CNN3: variants seen among roughly 807,000 people sequenced by gnomAD.
CNN3 encodes the protein calponin-3.
CNN3 carries 11 observed loss-of-function variants against 39.0 expected under a neutral mutation model. The ratio of observed to expected loss-of-function variants is 0.28; its 90% CI spans 0.18 to 0.47. The LOEUF (loss-of-function observed/expected upper bound fraction) is 0.47, where lower values mean the gene tolerates loss of function less well. Among genes scored for constraint, CNN3 ranks in the 20% least tolerant of loss-of-function variants. The pLI, the probability that CNN3 is intolerant of heterozygous loss-of-function variation, is 0.99. For synonymous variants in CNN3, 101 were observed against 138.3 expected (o/e 0.73, Z 1.89); for missense variants, 266 against 403.4 (o/e 0.66, Z 2.92).
At chr1:94,910,771 A>G (rs1373352470) in intron 1 of CNN3, among the ~76,000 whole-genome samples, 1 of 152,160 alleles carries the variant, frequency 6.6e-6, no homozygotes, top group Non-Finnish European at 1.5e-5. Context: ...ACCCACCGCA[A>G]TACCTGACAC....
At chr1:94,901,621 T>C (rs1670870623) in intron 5 of CNN3, 48 bp downstream of exon 5, 1 of 1,295,330 alleles carries the variant, frequency 7.7e-7, no homozygotes, top group East Asian at 2.3e-5. Context: ...ATGGTGAGAA[T>C]TAATCATATT....
chr1:94,918,497 AAAAATAAAAT>A lies in CNN3; in HGVS notation c.57+8331_57+8340del, dbSNP rs1189820029. Reference sequence around the variant, plus strand: ...CGACAAAGTGAGACTGTCTCCCAAAAAAAATAAAATAAAAAAAAAAAAAGTCGGCAAGGGG... The same window carrying A: ...CGACAAAGTGAGACTGTCTCCCAAAAAAAAAAAAAAAAAGTCGGCAAGGGG... On this transcript the variant is annotated intron_variant, in intron 1 of 6. Coordinates refer to ENST00000370206, the MANE Select transcript of CNN3 (RefSeq NM_001839.5). Among the ~76,000 whole-genome samples the A allele has an allele frequency of 8.3e-5, 6 of 72,468 alleles. 1 individual carries two copies. In the East Asian group the frequency reaches 2.1e-3, roughly 26 times the overall value. 47.5% of individuals were successfully genotyped at this position (72,468 alleles called of 152,430 possible). A position where few individuals can be genotyped will look rare whatever the true frequency, so the allele number is the denominator to read the frequency against.
At chr1:94,902,925 ATAAG>A (rs1292272528) in intron 3 of CNN3, among the ~76,000 whole-genome samples, 193 bp downstream of exon 3, 2 of 152,170 alleles carry the variant, frequency 1.3e-5, no homozygotes, top group Non-Finnish European at 2.9e-5. Flanking sequence ...AACTAGTTAA[ATAAG>A]TAATTACAGA....
intron 1 of CNN3, among the ~76,000 whole-genome samples, chr1:94,907,659 G>C (rs1236318374): frequency 6.6e-6 from 1 of 152,184 alleles, no homozygotes; most frequent in Admixed American, 6.5e-5. Context: ...AGGAGATCAA[G>C]ACCATCCTGG....
intron 1 of CNN3, among the ~76,000 whole-genome samples, chr1:94,914,706 T>C (rs1671240779): frequency 6.6e-6 from 1 of 152,188 alleles, no homozygotes; most frequent in African/African-American, 2.4e-5. Flanking sequence ...GTCTGTCCAT[T>C]TGAGAAAGGT....
chr1:94,899,305 T>C (rs929164637), intron 6 of CNN3, 66 bp downstream of exon 6: 51 of 1,496,932 alleles, frequency 3.4e-5, no homozygotes, highest in Non-Finnish European at 4.5e-6. Flanking sequence ...ATACCTACTT[T>C]AAACTTCTGG....
At chr1:94,914,498 G>C (rs1671236052) in intron 1 of CNN3, among the ~76,000 whole-genome samples, 1 of 152,136 alleles carries the variant, frequency 6.6e-6, no homozygotes, top group African/African-American at 2.4e-5. Context: ...GCTCCCATCT[G>C]CCAACCCCAA....
rs114621020 is a variant in CNN3 at position 94,905,115 on chromosome 1, T to C, written c.58-1591A>G. On this transcript the variant is annotated intron_variant, in intron 1 of 6. Coordinates refer to ENST00000370206, the MANE Select transcript of CNN3 (RefSeq NM_001839.5). ...GGACTGTGGGCTGCATTCAGGTCCT[T>C]TCCAAGGGAGAGAGCCTGATCACCA... Among the ~76,000 whole-genome samples the C allele has an allele frequency of 5.2e-3, 788 of 152,266 alleles. 8 individuals carry two copies. The highest frequency in any genetic ancestry group is 0.018 in the African/African-American group (747 of 41,548).
chr1:94,925,929 A>G, intron 1 of CNN3: 1 of 608,924 alleles, frequency 1.6e-6, no homozygotes, highest in Non-Finnish European at 2.1e-6. Context: ...GGAGGAAGGA[A>G]GGAGAGGATT....
At chr1:94,903,694 A>G (rs1028869640) in intron 1 of CNN3, among the ~76,000 whole-genome samples, 170 bp from the exon 2 acceptor site, 1 of 151,028 alleles carries the variant, frequency 6.6e-6, no homozygotes. Context: ...TCAGTAACTA[A>G]TAACAAATTT....
In CNN3 at chr1:94,901,663, A is replaced by G. The variant is rs1174143471; in HGVS notation, c.501+6T>C. 1.3e-6 allele frequency: 2 copies of G among 1,587,116 alleles called. No homozygotes were observed. The highest frequency in any genetic ancestry group is 1.7e-6 in the Non-Finnish European group (2 of 1,155,570). ...GTAATTGAATAAGCAACACCACATT[A>G]CTTACCTGCAGACCAATTACACTTT... is the stretch of plus-strand genomic sequence containing the variant. On this transcript the variant is annotated splice_donor_region_variant and intron_variant, in intron 5 of 6. Transcript: ENST00000370206.
At chr1:94,898,439 A>C (rs1348957561) in intron 6 of CNN3, among the ~76,000 whole-genome samples, 7 of 152,226 alleles carry the variant, frequency 4.6e-5, no homozygotes, top group Admixed American at 2.0e-4. Context: ...GTGAAATCAT[A>C]ATGCTTCCAC....
chr1:94,907,615 T>C (rs982612545), intron 1 of CNN3, among the ~76,000 whole-genome samples: 14 of 152,150 alleles, frequency 9.2e-5, no homozygotes, highest in Admixed American at 2.0e-4. Flanking sequence ...AATCCCAGCA[T>C]TCTGGGAGGC....
At chr1:94,905,314 C>G (rs1326399181) in intron 1 of CNN3, among the ~76,000 whole-genome samples, 2 of 152,190 alleles carry the variant, frequency 1.3e-5, no homozygotes, top group Non-Finnish European at 2.9e-5. Flanking sequence ...GAAAAACATC[C>G]CGTTTCCCAG....
At chr1:94,919,838 C>T (rs1209979921) in intron 1 of CNN3, among the ~76,000 whole-genome samples, 2 of 152,114 alleles carry the variant, frequency 1.3e-5, no homozygotes, top group Non-Finnish European at 2.9e-5. Context: ...ACACAGCACT[C>T]AACAGTCACG....
At chr1:94,904,851 A>G (rs1437893098) in intron 1 of CNN3, among the ~76,000 whole-genome samples, 4 of 152,230 alleles carry the variant, frequency 2.6e-5, no homozygotes, top group African/African-American at 9.6e-5. Flanking sequence ...TACATAGGAA[A>G]TGCTCAGGAG....
intron 1 of CNN3, among the ~76,000 whole-genome samples, chr1:94,907,722 T>C (rs1305484111): frequency 2.0e-5 from 3 of 152,070 alleles, no homozygotes; most frequent in Non-Finnish European, 2.9e-5. Flanking sequence ...TAGACGGGTG[T>C]GGTGGCGGGC....
chr1:94,926,966 C>T lies in CNN3; in HGVS notation c.-72G>A. On this transcript the variant is annotated 5_prime_UTR_variant, in exon 1 of 7. Transcript: ENST00000370206. The surrounding 1 kb of genome is among the most constrained non-coding windows in gnomAD (Gnocchi z 4.2). ...TCGCACTTCGCTTCCCCGCTCCTGG[C>T]CCCGAGGAGTGGCCGCCGCGGGGGA... The T allele has an allele frequency of 1.3e-6, 2 of 1,520,836 alleles. No homozygotes were observed. Among genetic ancestry groups the T allele is most frequent in the African/African-American group, 1.4e-5 (1 of 71,196 alleles). The allele number at this position is 1,520,836 out of a possible 1,614,324, so 94.2% of individuals were successfully genotyped here.
In CNN3 at chr1:94,903,423, C is replaced by A; in HGVS notation, c.159G>T (p.Lys53Asn). 1 of 1,605,186 alleles carries A rather than the reference C, an allele frequency of 6.2e-7. No homozygotes were observed. ...SIGPNFQLGL[K>N]DGIILCELIN... ...CTCACTCGCAGAGGATGATGCCATC[C>A]TTTAAGCCCAGCTGGAAGTTGGGGC... The change falls in exon 2 of 7, where the codon AAG becomes AAT. Residue 53 changes from lysine (K) to asparagine (N), a missense_variant. Transcript: ENST00000370206.
Sources: gnomAD v4.1 joint callset for allele counts (sites outside exome capture counted in the v4.1 genomes callset) on GRCh38, gnomAD v4.1.1 for gene constraint, Gnocchi (gnomAD v3.1) non-coding constraint, MANE v1.5 for transcripts, NCBI Gene and HGNC (gene_info 2026-07-23, HGNC 2026-07-21) for gene names.